The following MCUB variants were observed in gnomAD, a reference collection of about 807,000 sequenced individuals.
MCUB encodes mitochondrial calcium uniporter dominant negative subunit beta, also known as calcium uniporter regulatory subunit MCUb, mitochondrial.
In MCUB, 46 loss-of-function variants were observed where a neutral mutation model predicts 41.4. The observed-to-expected ratio is 1.11, with a 90% CI of 0.88 to 1.42. The LOEUF is 1.42. Ranked by LOEUF, MCUB falls within the 40% of genes most tolerant of loss-of-function variation. The pLI, the probability that MCUB is intolerant of heterozygous loss-of-function variation, is 0.00. For missense variants in MCUB, 403 were observed against 404.9 expected (o/e 1.00, Z 0.04); for synonymous variants, 148 against 148.2 (o/e 1.00, Z 0.01).
At chr4:109,663,441 C>T (rs1041175009) in intron 3 of MCUB, among the ~76,000 whole-genome samples, 3 of 152,160 alleles carry the variant, frequency 2.0e-5, no homozygotes, top group African/African-American at 7.2e-5. Context: ...CTGAAATACT[C>T]CTAGGATATT....
chr4:109,617,061 T>C (rs1185644032), intron 1 of MCUB, among the ~76,000 whole-genome samples: 2 of 152,240 alleles, frequency 1.3e-5, no homozygotes, highest in Non-Finnish European at 2.9e-5. Context: ...AACCATATTG[T>C]TGTGATCTCT....
intron 1 of MCUB, among the ~76,000 whole-genome samples, chr4:109,603,790 C>T (rs2126131812): frequency 6.6e-6 from 1 of 151,480 alleles, no homozygotes; most frequent in African/African-American, 2.4e-5. Context: ...CGCCCGGCAG[C>T]CTCCCCGTCT....
chr4:109,562,718 A>G (rs946966382), intron 1 of MCUB, among the ~76,000 whole-genome samples: 1 of 152,266 alleles, frequency 6.6e-6, no homozygotes, highest in East Asian at 1.9e-4. Context: ...TGTCGTAAGC[A>G]GTATTTCAAA....
intron 3 of MCUB, among the ~76,000 whole-genome samples, chr4:109,662,009 A>G (rs11724306): frequency 0.71 from 108,709 of 152,052 alleles, 39,614 homozygotes; most frequent in African/African-American, 0.86. Flanking sequence ...CTCCAGCCTG[A>G]GTGATAGAGT....
intron 1 of MCUB, among the ~76,000 whole-genome samples, chr4:109,588,859 G>A (rs1371927178): frequency 1.3e-5 from 2 of 152,040 alleles, no homozygotes; most frequent in Non-Finnish European, 2.9e-5. Context: ...TTTTTGTGGG[G>A]ACTAAATTGG....
intron 1 of MCUB, among the ~76,000 whole-genome samples, chr4:109,652,165 AG>A (rs1302380539): frequency 1.1e-4 from 17 of 152,168 alleles, no homozygotes; most frequent in Admixed American, 3.9e-4. Flanking sequence ...ATGTCGGATT[AG>A]GGCCTATACT....
At chr4:109,652,295 TC>T (rs1195644890) in intron 1 of MCUB, among the ~76,000 whole-genome samples, 2 of 149,964 alleles carry the variant, frequency 1.3e-5, no homozygotes, top group Non-Finnish European at 3.0e-5. Context: ...ATAATAGTGT[TC>T]TATTCAGCTT....
intron 1 of MCUB, among the ~76,000 whole-genome samples, chr4:109,592,512 A>G (rs1314632593): frequency 6.6e-6 from 1 of 152,156 alleles, no homozygotes; most frequent in Non-Finnish European, 1.5e-5. Flanking sequence ...TTTGAAACCA[A>G]CAACTCCAGT....
At chr4:109,560,518 C>A in intron 1 of MCUB, 82 bp downstream of exon 1, 1 of 631,242 alleles carries the variant, frequency 1.6e-6, no homozygotes, top group Non-Finnish European at 2.3e-6. Context: ...GGAGCAAAAG[C>A]CGAGCGGCCG....
intron 1 of MCUB, among the ~76,000 whole-genome samples, chr4:109,633,601 A>C (rs1397389690): frequency 6.6e-6 from 1 of 152,220 alleles, no homozygotes; most frequent in Non-Finnish European, 1.5e-5. Context: ...CTATAAGTAC[A>C]TCACTAAATA....
rs553793320 is a variant in MCUB, at chr4:109,686,983, T to G, written c.934-532T>G. On this transcript the variant is annotated intron_variant, in intron 7 of 7. Coordinates refer to ENST00000394650, the MANE Select transcript of MCUB (RefSeq NM_017918.5). Reference sequence around the variant, plus strand: ...TTAAGGGTTTTTTTTTTAAGAATATTAAGTGGAAAACCATTATAAAGGGTA... The same window carrying G: ...TTAAGGGTTTTTTTTTTAAGAATATGAAGTGGAAAACCATTATAAAGGGTA... 2.3e-4 allele frequency among the ~76,000 whole-genome samples: 35 copies of G among 152,166 alleles called. 1 individual carries two copies. Among genetic ancestry groups the G allele is most frequent in the Non-Finnish European group, 4.3e-4 (29 of 68,012 alleles).
intron 1 of MCUB, among the ~76,000 whole-genome samples, chr4:109,568,186 C>T (rs1210509022): frequency 6.6e-6 from 1 of 152,156 alleles, no homozygotes; most frequent in Non-Finnish European, 1.5e-5. Flanking sequence ...ATTTCTGTAA[C>T]TCGGCTTCGG....
chr4:109,563,519 A>G (rs994555725), intron 1 of MCUB, among the ~76,000 whole-genome samples: 1 of 152,150 alleles, frequency 6.6e-6, no homozygotes, highest in African/African-American at 2.4e-5. Flanking sequence ...CCCTCTCCTG[A>G]GGAGAGCAAT....
intron 3 of MCUB, among the ~76,000 whole-genome samples, chr4:109,661,473 A>T (rs1306861632): frequency 6.6e-6 from 1 of 152,174 alleles, no homozygotes; most frequent in Non-Finnish European, 1.5e-5. Flanking sequence ...TTCAACAAAT[A>T]TTTATTGAGC....
chr4:109,666,346 G>A (rs1729345681), intron 4 of MCUB, among the ~76,000 whole-genome samples: 1 of 152,192 alleles, frequency 6.6e-6, no homozygotes, highest in Non-Finnish European at 1.5e-5. Flanking sequence ...CATATGGTGA[G>A]AGTGTTTAGT....
At chr4:109,585,696 C>G (rs751205959) in intron 1 of MCUB, among the ~76,000 whole-genome samples, 1 of 152,056 alleles carries the variant, frequency 6.6e-6, no homozygotes, top group Non-Finnish European at 1.5e-5. Context: ...TTTATTTTTC[C>G]TTCACTTATG....
At chr4:109,656,882 A>G (rs1374186467) in intron 1 of MCUB, among the ~76,000 whole-genome samples, 1 of 152,148 alleles carries the variant, frequency 6.6e-6, no homozygotes, top group Non-Finnish European at 1.5e-5. Context: ...TTAAGACATC[A>G]TCTGCCTTTT....
chr4:109,632,510 G>C (rs1728495607), intron 1 of MCUB, among the ~76,000 whole-genome samples: 2 of 152,268 alleles, frequency 1.3e-5, no homozygotes, highest in East Asian at 3.9e-4. Flanking sequence ...AGATTACCTA[G>C]GCGGTACCAG....
intron 1 of MCUB, among the ~76,000 whole-genome samples, chr4:109,634,383 T>C (rs1311912537): frequency 6.6e-6 from 1 of 151,180 alleles, no homozygotes; most frequent in East Asian, 1.9e-4. Flanking sequence ...TCAGGAAGGC[T>C]GAGGCAGGAG....
Sources: gnomAD v4.1 joint callset for allele counts (sites outside exome capture counted in the v4.1 genomes callset) on GRCh38, gnomAD v4.1.1 for gene constraint, MANE v1.5 for transcripts, NCBI Gene and HGNC (gene_info 2026-07-23, HGNC 2026-07-21) for gene names.